FGGY: variants seen among roughly 807,000 people sequenced by gnomAD.
FGGY encodes the protein FGGY carbohydrate kinase domain-containing protein.
In FGGY, 72 loss-of-function variants were observed where a neutral mutation model predicts 71.3. The observed-to-expected ratio is 1.01, with a 90% confidence interval of 0.84 to 1.23. FGGY has a LOEUF of 1.23. FGGY is among the 50% of genes most tolerant of loss of function. The pLI, the probability that FGGY is intolerant of heterozygous loss-of-function variation, is 0.00. For synonymous variants in FGGY, 251 were observed against 250.3 expected (o/e 1.00, Z -0.02); for missense variants, 668 against 682.3 (o/e 0.98, Z 0.23).
chr1:59,685,447 A>G (rs2097536691), intron 14 of FGGY, among the ~76,000 whole-genome samples: 1 of 152,126 alleles, frequency 6.6e-6, no homozygotes, highest in African/African-American at 2.4e-5. Flanking sequence ...AGGATTTAAG[A>G]AAGCTTACAA....
chr1:59,751,941 G>A (rs995441920), intron 14 of FGGY, among the ~76,000 whole-genome samples: 1 of 152,142 alleles, frequency 6.6e-6, no homozygotes, highest in Non-Finnish European at 1.5e-5. Flanking sequence ...ACATGCAAAC[G>A]ACAACATGTA....
intron 5 of FGGY, among the ~76,000 whole-genome samples, chr1:59,410,363 ATT>A: frequency 6.6e-6 from 1 of 152,102 alleles, no homozygotes; most frequent in Non-Finnish European, 1.5e-5. Flanking sequence ...GTTTTCTCAA[ATT>A]TATATCTGAG....
intron 6 of FGGY, among the ~76,000 whole-genome samples, chr1:59,502,949 A>G (rs1326807907): frequency 6.6e-6 from 1 of 152,210 alleles, no homozygotes; most frequent in African/African-American, 2.4e-5. Flanking sequence ...GTTCCTAGAC[A>G]GGACCTACCA....
intron 8 of FGGY, among the ~76,000 whole-genome samples, chr1:59,602,419 A>G (rs1003826600): frequency 6.6e-6 from 1 of 152,210 alleles, no homozygotes; most frequent in Non-Finnish European, 1.5e-5. Context: ...TATTATTTCT[A>G]TATGATTTAT....
At chr1:59,641,355 A>C (rs1380990820) in intron 11 of FGGY, 4 of 1,597,964 alleles carry the variant, frequency 2.5e-6, no homozygotes, top group South Asian at 1.1e-5. Context: ...CCCTCAGGTG[A>C]CTCTTTTCTT....
At chr1:59,350,662 G>A (rs532411418) in intron 4 of FGGY, among the ~76,000 whole-genome samples, 7 of 152,150 alleles carry the variant, frequency 4.6e-5, no homozygotes, top group Non-Finnish European at 1.0e-4. Context: ...AAGCAAGGGA[G>A]GGGCTGGCTT....
chr1:59,718,413 G>A (rs1042700829), intron 14 of FGGY, among the ~76,000 whole-genome samples: 12 of 152,252 alleles, frequency 7.9e-5, no homozygotes, highest in African/African-American at 2.6e-4. Flanking sequence ...CCTTCTAGAC[G>A]GTGACTCCCT....
chr1:59,346,391 T>A lies in FGGY; in HGVS notation c.458T>A (p.Leu153Gln). The change falls in exon 4 of 16, where the codon CTG (leucine) becomes CAG (glutamine). Residue 153 changes from leucine (L) to glutamine (Q), a missense_variant. Leu to Gln is a moderately radical substitution (Grantham distance 113). Around this residue, in one of 2 missense-constraint regions of FGGY, gnomAD observed 661 missense variants for 661.6 expected, o/e 1.00. Coordinates refer to ENST00000303721, the MANE Select transcript of FGGY (RefSeq NM_018291.5). ...VEMQAPKLLW[L>Q]KENLREICWD... ...ATGCAGGCCCCGAAACTTCTGTGGC[T>A]GAAAGAGGTGAGTGCATAGGGTCTA... 1.2e-6 allele frequency: 2 copies of A among 1,611,266 alleles called. No individual in the cohort carries two copies. The highest frequency in any genetic ancestry group is 1.7e-6 in the Non-Finnish European group (2 of 1,179,430).
chr1:59,356,647 C>T (rs1482229047), intron 4 of FGGY, among the ~76,000 whole-genome samples: 1 of 152,212 alleles, frequency 6.6e-6, no homozygotes, highest in Non-Finnish European at 1.5e-5. Flanking sequence ...ATTAAATCAT[C>T]TCATGCCATT....
intron 5 of FGGY, among the ~76,000 whole-genome samples, chr1:59,402,496 T>C (rs969878689): frequency 6.6e-6 from 1 of 152,190 alleles, no homozygotes; most frequent in Non-Finnish European, 1.5e-5. Context: ...GCCTGTTGCA[T>C]AGTAGACATT....
intron 7 of FGGY, among the ~76,000 whole-genome samples, chr1:59,539,538 C>T (rs543153683): frequency 6.6e-6 from 1 of 152,250 alleles, no homozygotes; most frequent in African/African-American, 2.4e-5. Flanking sequence ...TAGTACCCTG[C>T]CGATTGGTTA....
intron 7 of FGGY, among the ~76,000 whole-genome samples, chr1:59,524,145 G>A (rs537268698): frequency 6.6e-6 from 1 of 152,350 alleles, no homozygotes; most frequent in Admixed American, 6.5e-5. Context: ...CTCTGGAGTG[G>A]GGCAGAGTTG....
At chr1:59,762,352 T>C (rs771821424) in intron 15 of FGGY, 151 bp from the exon 16 acceptor site, 10 of 594,198 alleles carry the variant, frequency 1.7e-5, no homozygotes, top group Non-Finnish European at 2.7e-5. Flanking sequence ...GTCTGAAACA[T>C]GCTAATTCAT....
intron 13 of FGGY, among the ~76,000 whole-genome samples, chr1:59,668,527 C>G (rs1306239291): frequency 6.6e-6 from 1 of 152,214 alleles, no homozygotes; most frequent in Non-Finnish European, 1.5e-5. Flanking sequence ...CCCATTATAT[C>G]CTCCATCCCC....
intron 8 of FGGY, among the ~76,000 whole-genome samples, chr1:59,560,711 G>A (rs939465708): frequency 6.6e-6 from 1 of 151,984 alleles, no homozygotes; most frequent in African/African-American, 2.4e-5. Flanking sequence ...AAGAGCTCAG[G>A]CACATTGAGA....
Position 59,329,888 on chromosome 1 carries a change from T to C in FGGY, c.201+8138T>C, listed in dbSNP as rs554337581. 2.8e-3 allele frequency among the ~76,000 whole-genome samples: 422 copies of C among 152,360 alleles called. 2 individuals carry two copies. The South Asian group carries it at 0.031, about 11-fold the overall frequency. ...CTCAATAGCCACATGGTGGCTATTA[T>C]ACTGAACAGCACAGATATAGCACAT... On this transcript the variant is annotated intron_variant, in intron 2 of 15. Coordinates refer to ENST00000303721, the MANE Select transcript of FGGY (RefSeq NM_018291.5).
At chr1:59,424,485 T>G (rs1419067420) in intron 5 of FGGY, among the ~76,000 whole-genome samples, 1 of 152,148 alleles carries the variant, frequency 6.6e-6, no homozygotes, top group Non-Finnish European at 1.5e-5. Flanking sequence ...AGGCAGAGGT[T>G]GCAGTGAGCC....
rs567817977 is a variant in FGGY at position 59,527,228 on chromosome 1, C to G, written c.799+14789C>G. 3.8e-4 allele frequency among the ~76,000 whole-genome samples: 58 copies of G among 152,326 alleles called. 1 individual carries two copies. The highest frequency in any genetic ancestry group is 1.3e-3 in the African/African-American group (53 of 41,572). ...TCTCATTTTAAGCTTAGAGCAAAAGCTTACTTAAGTGAAATTAAGCAGATA... is the reference window on the plus strand; with the variant it reads ...TCTCATTTTAAGCTTAGAGCAAAAGGTTACTTAAGTGAAATTAAGCAGATA... On this transcript the variant is annotated intron_variant, in intron 7 of 15. Coordinates refer to ENST00000303721, the MANE Select transcript of FGGY (RefSeq NM_018291.5).
At chr1:59,561,628 C>CTAAG (rs2095794903) in intron 8 of FGGY, among the ~76,000 whole-genome samples, 1 of 152,202 alleles carries the variant, frequency 6.6e-6, no homozygotes, top group South Asian at 2.1e-4. Flanking sequence ...GGACCATGTA[C>CTAAG]TAAGCACCTT....
Sources: gnomAD v4.1 joint callset for allele counts (sites outside exome capture counted in the v4.1 genomes callset) on GRCh38, gnomAD v4.1.1 for gene constraint, gnomAD v4.1.1 regional missense constraint, MANE v1.5 for transcripts, NCBI Gene and HGNC (gene_info 2026-07-23, HGNC 2026-07-21) for gene names.